WDR7: variants seen among roughly 807,000 people sequenced by gnomAD.
The protein encoded by WDR7 is WD repeat domain 7, also known as WD repeat-containing protein 7.
In WDR7, 46 loss-of-function variants were observed where a neutral mutation model predicts 169.4. The ratio of observed to expected loss-of-function variants is 0.27; its 90% CI spans 0.21 to 0.35. The LOEUF (loss-of-function observed/expected upper bound fraction) is 0.35, where lower values mean the gene tolerates loss of function less well. WDR7 is among the 10% of genes least tolerant of loss of function. The pLI is 1.00. For missense variants in WDR7, 1,534 were observed against 1,859.3 expected, an observed-to-expected ratio of 0.83 and a Z score of 3.22; for synonymous variants, 612 against 666.8, an observed-to-expected ratio of 0.92 and a Z score of 1.27.
intron 26 of WDR7, among the ~76,000 whole-genome samples, chr18:57,018,560 T>C (rs1437066): frequency 0.86 from 131,501 of 152,152 alleles, 56,882 homozygotes; most frequent in Admixed American, 0.88. Flanking sequence ...CCCAGTATTG[T>C]CCGATCCTCC....
intron 7 of WDR7, among the ~76,000 whole-genome samples, chr18:56,690,851 A>G (rs1426648173): frequency 6.6e-6 from 1 of 152,180 alleles, no homozygotes; most frequent in Admixed American, 6.5e-5. Flanking sequence ...AGACATAGAA[A>G]TAAAACAGGG....
At chr18:56,738,239 G>A (rs2026742892) in intron 14 of WDR7, among the ~76,000 whole-genome samples, 1 of 152,162 alleles carries the variant, frequency 6.6e-6, no homozygotes, top group African/African-American at 2.4e-5. Flanking sequence ...CTTCTAACAT[G>A]CTTCTTATTA....
intron 12 of WDR7, among the ~76,000 whole-genome samples, chr18:56,706,908 A>G (rs1387838876): frequency 6.6e-6 from 1 of 151,452 alleles, no homozygotes; most frequent in Non-Finnish European, 1.5e-5. Context: ...GGATGGCATC[A>G]ATCTCTTGAC....
At position 56,651,580 on chromosome 18, in the gene WDR7, AG is replaced by A. The variant is rs1316234286; in HGVS notation, c.-20+9del. 4 of 152,544 alleles carry A rather than the reference AG, an allele frequency of 2.6e-5. No individual in the cohort carries two copies. The highest frequency in any genetic ancestry group is 7.2e-5 in the African/African-American group (3 of 41,466). 9.4% of individuals were successfully genotyped at this position (152,544 alleles called of 1,614,324 possible). On this transcript the variant is annotated splice_donor_5th_base_variant and intron_variant, in intron 1 of 27. Coordinates refer to ENST00000254442, the MANE Select transcript of WDR7 (RefSeq NM_015285.3). Reference sequence around the variant, plus strand: ...GCATGAGATGAAGCTGTGACAGGTAAGGGGGCTTTCAAGCTTCTCCATGGGA... The same window carrying A: ...GCATGAGATGAAGCTGTGACAGGTAAGGGGCTTTCAAGCTTCTCCATGGGA...
chr18:56,807,027 C>T (rs1273718371), intron 19 of WDR7, among the ~76,000 whole-genome samples: 1 of 151,950 alleles, frequency 6.6e-6, no homozygotes, highest in Non-Finnish European at 1.5e-5. Flanking sequence ...CATCAGTTTC[C>T]CTTTGATTTC....
chr18:56,756,610 T>A lies in WDR7; in HGVS notation c.2017T>A (p.Ser673Thr), dbSNP rs1432564288. ...AAATTTACCTAAATATTCTCATAAC[T>A]CCCTGATGGTTCAAGCAATAAAGAC... Reference protein sequence around the residue: ...KGNLPKYSHNSLMVQAIKTNL... With the variant: ...KGNLPKYSHNTLMVQAIKTNL... The change falls in exon 15 of 28, where the codon TCC becomes ACC. Residue 673 changes from serine to threonine, a missense_variant. Physicochemically the swap from Ser to Thr is moderately conservative, Grantham distance 58 (BLOSUM62 1). Coordinates refer to ENST00000254442, the MANE Select transcript of WDR7 (RefSeq NM_015285.3). 5.6e-6 allele frequency: 9 copies of A among 1,607,594 alleles called. No individual in the cohort carries two copies. The highest frequency in any genetic ancestry group is 6.8e-6 in the Non-Finnish European group (8 of 1,177,792).
chr18:57,004,164 A>G (rs908017393), intron 26 of WDR7, among the ~76,000 whole-genome samples: 2 of 152,028 alleles, frequency 1.3e-5, no homozygotes, highest in African/African-American at 4.8e-5. Context: ...AGGTAAATGA[A>G]TGTCTCCCTG....
At chr18:56,928,617 C>T (rs2046838644) in intron 22 of WDR7, among the ~76,000 whole-genome samples, 1 of 152,154 alleles carries the variant, frequency 6.6e-6, no homozygotes, top group Non-Finnish European at 1.5e-5. Context: ...CATAGCTAGC[C>T]TTGTGCAGGG....
At chr18:56,948,585 G>A (rs962000438) in intron 25 of WDR7, among the ~76,000 whole-genome samples, 4 of 152,266 alleles carry the variant, frequency 2.6e-5, no homozygotes, top group Admixed American at 6.5e-5. Context: ...CAGTTCTTTC[G>A]CTTAAGCAGT....
chr18:56,688,743 A>G (rs570074754), intron 7 of WDR7, among the ~76,000 whole-genome samples: 23 of 151,674 alleles, frequency 1.5e-4, no homozygotes, highest in Admixed American at 2.6e-4. Flanking sequence ...AAAAAAAAAA[A>G]GGGGCAAGAG....
intron 20 of WDR7, among the ~76,000 whole-genome samples, chr18:56,840,621 G>A (rs530839130): frequency 4.6e-5 from 7 of 152,214 alleles, no homozygotes; most frequent in Admixed American, 2.0e-4. Flanking sequence ...AGCAGTTTGA[G>A]ACCAGCCTGG....
chr18:57,001,559 A>G (rs1436838454), intron 26 of WDR7, among the ~76,000 whole-genome samples: 2 of 152,184 alleles, frequency 1.3e-5, no homozygotes, highest in East Asian at 3.9e-4. Flanking sequence ...AATGAGGTAA[A>G]ATACACATAA....
intron 5 of WDR7, among the ~76,000 whole-genome samples, chr18:56,683,663 A>G (rs1160118440): frequency 6.6e-6 from 1 of 152,190 alleles, no homozygotes; most frequent in Non-Finnish European, 1.5e-5. Context: ...TACTGTTAAT[A>G]TTCATCATAT....
At chr18:56,992,587 GA>G (rs1468987333) in intron 26 of WDR7, among the ~76,000 whole-genome samples, 2 of 152,162 alleles carry the variant, frequency 1.3e-5, no homozygotes, top group Non-Finnish European at 2.9e-5. Context: ...GTATGAATTG[GA>G]AGTTAACATT....
chr18:56,821,156 TGGAGGGAGGCAGACAA>T (rs1026367212), intron 20 of WDR7, among the ~76,000 whole-genome samples: 5 of 152,058 alleles, frequency 3.3e-5, no homozygotes, highest in Non-Finnish European at 2.9e-5. Context: ...TACATTTTCA[TGGAGGGAGGCAGACAA>T]TAAGAAGAAG....
At chr18:56,929,271 G>A (rs140694158) in intron 22 of WDR7, among the ~76,000 whole-genome samples, 342 of 150,320 alleles carry the variant, frequency 2.3e-3, no homozygotes, top group African/African-American at 7.0e-3. Flanking sequence ...GCAAGACCCT[G>A]TCTCAAAAAA....
chr18:56,766,023 CT>C (rs558592401), intron 16 of WDR7, among the ~76,000 whole-genome samples: 2,187 of 143,056 alleles, frequency 0.015, 46 homozygotes, highest in African/African-American at 0.05. Flanking sequence ...TTTTTGAAAG[CT>C]TTTTTTTTTT....
intron 20 of WDR7, among the ~76,000 whole-genome samples, chr18:56,868,825 T>C (rs2145435638): frequency 6.6e-6 from 1 of 152,240 alleles, no homozygotes; most frequent in East Asian, 1.9e-4. Flanking sequence ...GAAAGGTCAA[T>C]TGAAGCAAAA....
chr18:56,861,921 T>G lies in WDR7; in HGVS notation c.3305-18023T>G, dbSNP rs568681952. Among the ~76,000 whole-genome samples, 16 of 152,224 alleles carry G rather than the reference T, an allele frequency of 1.1e-4. No homozygotes were observed. In the South Asian group the frequency reaches 3.3e-3, roughly 32 times the overall value. On this transcript the variant is annotated intron_variant, in intron 20 of 27. Transcript: ENST00000254442. ...TTAGACCGTTGGACTTTTTCAGTAC[T>G]TTTACACACAGAAAAATTTCAGTGA...
Sources: gnomAD v4.1 joint callset for allele counts (sites outside exome capture counted in the v4.1 genomes callset) on GRCh38, gnomAD v4.1.1 for gene constraint, MANE v1.5 for transcripts, NCBI Gene and HGNC (gene_info 2026-07-23, HGNC 2026-07-21) for gene names.